The following NLGN1 variants were observed in gnomAD, a reference collection of about 807,000 sequenced individuals.
The protein encoded by NLGN1 is neuroligin-1.
A neutral mutation model predicts 65.5 loss-of-function variants in NLGN1; 12 were observed. The ratio of observed to expected loss-of-function variants is 0.18; its 90% confidence interval spans 0.12 to 0.30. The LOEUF is 0.30. NLGN1 is among the 10% of genes least tolerant of loss of function. The pLI, the probability that NLGN1 is intolerant of heterozygous loss-of-function variation, is 1.00. For synonymous variants in NLGN1, 350 were observed against 359.5 expected (o/e 0.97, Z 0.30); for missense variants, 750 against 1,007.1 (o/e 0.74, Z 3.46).
chr3:173,771,775 C>A, intron 3 of NLGN1, among the ~76,000 whole-genome samples: 1 of 151,804 alleles, frequency 6.6e-6, no homozygotes, highest in East Asian at 1.9e-4. Flanking sequence ...TTATATATAT[C>A]AAACTTATTT....
intron 4 of NLGN1, among the ~76,000 whole-genome samples, chr3:174,273,400 G>GTCTT (rs992858526): frequency 1.3e-5 from 2 of 151,582 alleles, no homozygotes; most frequent in African/African-American, 4.8e-5. Context: ...CCAATAGTCT[G>GTCTT]TCTTTATAGA....
intron 2 of NLGN1, among the ~76,000 whole-genome samples, chr3:173,435,484 T>C (rs1248902881): frequency 6.6e-6 from 1 of 152,198 alleles, no homozygotes; most frequent in African/African-American, 2.4e-5. Flanking sequence ...AAATCTTATG[T>C]TCACGGAAGC....
At chr3:173,972,518 A>G (rs1057308083) in intron 4 of NLGN1, among the ~76,000 whole-genome samples, 2 of 152,160 alleles carry the variant, frequency 1.3e-5, no homozygotes, top group African/African-American at 4.8e-5. Flanking sequence ...GATAGAATCC[A>G]CATTTAGGAA....
intron 2 of NLGN1, chr3:173,584,704 G>A (rs563041293): frequency 6.6e-6 from 1 of 150,948 alleles, no homozygotes; most frequent in South Asian, 2.1e-4. Flanking sequence ...TGGGTCCCCA[G>A]GATTCTGGAT....
intron 4 of NLGN1, among the ~76,000 whole-genome samples, chr3:174,119,887 G>C (rs1717376800): frequency 6.6e-6 from 1 of 152,136 alleles, no homozygotes; most frequent in Non-Finnish European, 1.5e-5. Flanking sequence ...TTAAAGACCA[G>C]AAAGTTCCTG....
intron 2 of NLGN1, among the ~76,000 whole-genome samples, chr3:173,584,244 GAAAA>G (rs78174265): frequency 1.2e-5 from 1 of 80,718 alleles, no homozygotes; most frequent in South Asian, 3.9e-4. Context: ...GGGGCAGAAA[GAAAA>G]AAAAAAAAAA....
At chr3:173,863,051 T>C (rs572530244) in intron 4 of NLGN1, among the ~76,000 whole-genome samples, 1 of 152,300 alleles carries the variant, frequency 6.6e-6, no homozygotes, top group Admixed American at 6.5e-5. Context: ...TGTTAAATAG[T>C]CTATGTGAAC....
At chr3:174,240,412 A>G (rs2152829787) in intron 4 of NLGN1, among the ~76,000 whole-genome samples, 1 of 152,288 alleles carries the variant, frequency 6.6e-6, no homozygotes, top group Admixed American at 6.5e-5. Context: ...AATTGGCTCA[A>G]TTATCCAAAT....
intron 4 of NLGN1, among the ~76,000 whole-genome samples, chr3:174,263,837 A>G (rs1398798248): frequency 6.6e-6 from 1 of 150,450 alleles, no homozygotes; most frequent in African/African-American, 2.5e-5. Flanking sequence ...GTTCCTTTCC[A>G]TGTTTAGCGC....
intron 3 of NLGN1, among the ~76,000 whole-genome samples, chr3:173,655,136 A>C (rs1164760981): frequency 6.6e-6 from 1 of 152,192 alleles, no homozygotes; most frequent in Non-Finnish European, 1.5e-5. Context: ...ATTAAAATGC[A>C]GGGAGGACCT....
intron 1 of NLGN1, among the ~76,000 whole-genome samples, chr3:173,410,017 A>C (rs1198710146): frequency 6.6e-6 from 1 of 152,148 alleles, no homozygotes. Flanking sequence ...AAGGGGGAAA[A>C]CAACCAAACT....
At chr3:173,768,276 GACAATCTTCAT>G (rs1369580022) in intron 3 of NLGN1, among the ~76,000 whole-genome samples, 1 of 152,126 alleles carries the variant, frequency 6.6e-6, no homozygotes, top group Non-Finnish European at 1.5e-5. Flanking sequence ...TGAGTTCAGA[GACAATCTTCAT>G]GAAGCTCTTC....
chr3:173,497,343 A>T (rs988636019), intron 2 of NLGN1, among the ~76,000 whole-genome samples: 2 of 151,510 alleles, frequency 1.3e-5, no homozygotes, highest in African/African-American at 4.9e-5. Context: ...AGCCAAGAGC[A>T]TGCCACTGCA....
Position 174,272,665 on chromosome 3 carries a change from G to GATAGATA in NLGN1, c.647-2650_647-2649insATAGATA, listed in dbSNP as rs1749643965. The stretch of plus-strand genomic sequence containing the variant: ...TGATGATATGGATGGATGGATGGAT[G>GATAGATA]GATAGATAGATAGATAGATAGATAG... On this transcript the variant is annotated intron_variant, in intron 4 of 6. Transcript: ENST00000457714. Among the ~76,000 whole-genome samples the GATAGATA allele has an allele frequency of 4.8e-4, 56 of 116,654 alleles. 1 individual carries two copies. Among genetic ancestry groups the GATAGATA allele is most frequent in the Admixed American group, 1.9e-3 (22 of 11,634 alleles). The allele number at this position is 116,654 out of a possible 152,430, so 76.5% of individuals were successfully genotyped here. A position where few individuals can be genotyped will look rare whatever the true frequency, so the allele number is the denominator to read the frequency against.
chr3:173,534,480 C>G (rs879754200), intron 2 of NLGN1, among the ~76,000 whole-genome samples: 3 of 152,118 alleles, frequency 2.0e-5, no homozygotes, highest in Non-Finnish European at 4.4e-5. Context: ...CTCTCTTCCC[C>G]CCATGGCACT....
intron 4 of NLGN1, among the ~76,000 whole-genome samples, chr3:173,988,582 A>G (rs1052377931): frequency 2.6e-5 from 4 of 152,192 alleles, no homozygotes; most frequent in African/African-American, 9.6e-5. Context: ...GAGGCTGCCT[A>G]TCATGACTTC....
In NLGN1 at chr3:173,523,922, CT is replaced by C. The variant is rs34649982; in HGVS notation, c.-320-80341del. 1.7e-3 allele frequency among the ~76,000 whole-genome samples: 217 copies of C among 128,650 alleles called. 3 individuals carry two copies. Among genetic ancestry groups the C allele is most frequent in the South Asian group, 2.8e-3 (11 of 3,940 alleles). The allele number at this position is 128,650 out of a possible 152,430, so 84.4% of individuals were successfully genotyped here. A position where few individuals can be genotyped will look rare whatever the true frequency, so the allele number is the denominator to read the frequency against. ...TTTTCTCATATAATTTCTTTCTTTC[CT>C]TTTTTTTTTTTTTTTGAGACAGAGT... is the stretch of plus-strand genomic sequence containing the variant. On this transcript the variant is annotated intron_variant, in intron 2 of 6. Coordinates refer to ENST00000457714, the Ensembl canonical transcript of NLGN1.
chr3:173,507,383 C>T (rs1046837700), intron 2 of NLGN1, among the ~76,000 whole-genome samples: 1 of 152,098 alleles, frequency 6.6e-6, no homozygotes. Context: ...ACAATTAGCT[C>T]TCTCTTCTTA....
chr3:173,982,532 CG>C (rs940705648), intron 4 of NLGN1, among the ~76,000 whole-genome samples: 1 of 151,722 alleles, frequency 6.6e-6, no homozygotes, highest in Admixed American at 6.6e-5. Flanking sequence ...ATATCACGGA[CG>C]TAATAAATTT....
Sources: allele counts gnomAD v4.1 joint callset (sites outside exome capture counted in the v4.1 genomes callset), GRCh38; gene constraint gnomAD v4.1.1; transcripts MANE v1.5; gene names NCBI Gene and HGNC (gene_info 2026-07-23, HGNC 2026-07-21).